The following NFATC2 variants were observed in gnomAD, a reference collection of about 807,000 sequenced individuals.
The protein encoded by NFATC2 is nuclear factor of activated T-cells, cytoplasmic 2.
NFATC2 carries 22 observed loss-of-function variants against 87.3 expected under a neutral mutation model. That is an observed-to-expected ratio of 0.25 (90% CI 0.18 to 0.36). The LOEUF is 0.36. Ranked by LOEUF, NFATC2 falls within the 10% of genes least tolerant of loss-of-function variation. The pLI, the probability that NFATC2 is intolerant of heterozygous loss-of-function variation, is 1.00. For synonymous variants in NFATC2, 565 were observed against 542.2 expected, an observed-to-expected ratio of 1.04 and a Z score of -0.58; for missense variants, 1,149 against 1,259.1, an observed-to-expected ratio of 0.91 and a Z score of 1.32.
intron 9 of NFATC2, among the ~76,000 whole-genome samples, chr20:51,423,023 C>T (rs972223400): frequency 6.6e-6 from 1 of 151,338 alleles, no homozygotes; most frequent in Admixed American, 6.8e-5. Context: ...CACAGTGGCT[C>T]ACGCTTATAA....
chr20:51,404,931 C>T (rs1988413581), intron 9 of NFATC2, among the ~76,000 whole-genome samples: 1 of 152,172 alleles, frequency 6.6e-6, no homozygotes, highest in African/African-American at 2.4e-5. Context: ...ATGAGCAAGA[C>T]CTTGGGGCTT....
chr20:51,475,874 A>G (rs2146519128), intron 3 of NFATC2, among the ~76,000 whole-genome samples: 1 of 152,326 alleles, frequency 6.6e-6, no homozygotes, highest in South Asian at 2.1e-4. Flanking sequence ...AATATTAAGC[A>G]GCCACTAGAA....
upstream of NFATC2, among the ~76,000 whole-genome samples, chr20:51,545,747 A>ATGGATGGAGGAG (rs1317749817): frequency 6.6e-6 from 1 of 151,868 alleles, no homozygotes; most frequent in Non-Finnish European, 1.5e-5. Context: ...TGGATGGATG[A>ATGGATGGAGGAG]TGGATGGAGG....
intron 9 of NFATC2, among the ~76,000 whole-genome samples, chr20:51,409,642 G>C (rs566200958): frequency 2.0e-5 from 3 of 152,304 alleles, no homozygotes; most frequent in African/African-American, 7.2e-5. Flanking sequence ...CTTGCCAAAA[G>C]CATCGAAGCT....
upstream of NFATC2, among the ~76,000 whole-genome samples, chr20:51,546,365 T>G (rs2146820865): frequency 6.6e-6 from 1 of 152,216 alleles, no homozygotes; most frequent in Non-Finnish European, 1.5e-5. Flanking sequence ...GAGTTTGGGC[T>G]GGGGGAAAGG....
chr20:51,445,948 C>T (rs1049701233), intron 6 of NFATC2, among the ~76,000 whole-genome samples: 3 of 152,216 alleles, frequency 2.0e-5, no homozygotes, highest in South Asian at 2.1e-4. Flanking sequence ...TGACTCTTCT[C>T]GGCCCTAAGC....
chr20:51,516,699 A>T, intron 3 of NFATC2, 85 bp downstream of exon 3: 2 of 1,438,722 alleles, frequency 1.4e-6, no homozygotes, highest in South Asian at 2.7e-5. Context: ...ACCTCACCTT[A>T]ACAAGCAACA....
At chr20:51,540,272 C>G (rs1300825341) in intron 1 of NFATC2, among the ~76,000 whole-genome samples, 1 of 152,202 alleles carries the variant, frequency 6.6e-6, no homozygotes, top group African/African-American at 2.4e-5. Flanking sequence ...CTCAGCCTCC[C>G]AAAGTGTTGG....
At chr20:51,439,588 A>G (rs1326414030) in intron 6 of NFATC2, among the ~76,000 whole-genome samples, 1 of 152,184 alleles carries the variant, frequency 6.6e-6, no homozygotes, top group Admixed American at 6.5e-5. Flanking sequence ...AGTGTGGGTC[A>G]CAGGGAAAGA....
chr20:51,504,767 TAGG>T (rs1035288657), intron 3 of NFATC2, among the ~76,000 whole-genome samples: 2 of 152,156 alleles, frequency 1.3e-5, no homozygotes, highest in Non-Finnish European at 1.5e-5. Context: ...CTAGAAATAT[TAGG>T]AGGATTACAT....
At chr20:51,426,760 T>G (rs1981894355) in intron 9 of NFATC2, among the ~76,000 whole-genome samples, 1 of 152,076 alleles carries the variant, frequency 6.6e-6, no homozygotes, top group Non-Finnish European at 1.5e-5. Context: ...AGGATGGTGG[T>G]CACTTTTGTA....
At chr20:51,440,878 C>T (rs1984236012) in intron 6 of NFATC2, among the ~76,000 whole-genome samples, 1 of 152,238 alleles carries the variant, frequency 6.6e-6, no homozygotes, top group South Asian at 2.1e-4. Flanking sequence ...CAGGCTCCTC[C>T]TCCCCACTCC....
chr20:51,523,916 G>T lies in NFATC2; in HGVS notation c.325C>A (p.Leu109Met), dbSNP rs761097460. ...GGAGTGATCTCGATCCGAGGGCTCA[G>T]GCCCGAGGCCCCTGCTGGCTTGGCC... ...SAAKPAGASG[L>M]SPRIEITPSH... The change falls in exon 2 of 11, where the codon CTG (leucine) becomes ATG (methionine). Residue 109 changes from leucine to methionine, a missense_variant. Leu to Met is a conservative substitution (Grantham distance 15). This residue lies in a region of NFATC2 where 563 missense variants were observed against 585.2 expected (regional missense o/e 0.96). Coordinates refer to ENST00000371564, the MANE Select transcript of NFATC2 (RefSeq NM_012340.5). This position sits in a 1 kb window ranked among gnomAD's most constrained non-coding sequence, Gnocchi z 6.9. The T allele has an allele frequency of 6.2e-6, 10 of 1,603,286 alleles. No individual in the cohort carries two copies. The highest frequency in any genetic ancestry group is 8.5e-6 in the Non-Finnish European group (10 of 1,177,022).
At chr20:51,499,230 G>A (rs998164026) in intron 3 of NFATC2, among the ~76,000 whole-genome samples, 4 of 152,156 alleles carry the variant, frequency 2.6e-5, no homozygotes, top group African/African-American at 9.7e-5. Context: ...AATGAAGGGT[G>A]CAAGTGGAGG....
intron 9 of NFATC2, among the ~76,000 whole-genome samples, chr20:51,403,121 T>C (rs1328986728): frequency 6.6e-6 from 1 of 152,220 alleles, no homozygotes; most frequent in African/African-American, 2.4e-5. Context: ...TCCCTGGCCA[T>C]GTCACAGTTT....
intron 3 of NFATC2, among the ~76,000 whole-genome samples, chr20:51,502,880 C>T (rs1414674558): frequency 6.6e-6 from 1 of 152,086 alleles, no homozygotes; most frequent in Non-Finnish European, 1.5e-5. Context: ...TGGGAAGAGC[C>T]TACTTGGTTA....
intron 3 of NFATC2, among the ~76,000 whole-genome samples, chr20:51,486,125 C>T (rs1989690224): frequency 6.6e-6 from 1 of 151,986 alleles, no homozygotes; most frequent in Admixed American, 6.5e-5. Flanking sequence ...ACATGAGAAT[C>T]GCTTGAACCC....
chr20:51,475,698 T>G, intron 3 of NFATC2, 38 bp from the exon 4 acceptor site: 1 of 1,603,134 alleles, frequency 6.2e-7, no homozygotes, highest in African/African-American at 1.3e-5. Context: ...AGGTGCGGGG[T>G]GTGGTGGCTC....
At position 51,454,631 on chromosome 20, in the gene NFATC2, A is replaced by G; in HGVS notation, c.1766T>C (p.Leu589Pro). The G allele has an allele frequency of 2.5e-6, 4 of 1,614,146 alleles. No individual in the cohort carries two copies. The highest frequency in any genetic ancestry group is 3.4e-6 in the Non-Finnish European group (4 of 1,180,034). The change falls in exon 6 of 11, where the codon CTG becomes CCG. Residue 589 changes from leucine (L) to proline (P), a missense_variant. Leu to Pro is a moderately conservative substitution (Grantham distance 98). Coordinates refer to ENST00000371564, the MANE Select transcript of NFATC2 (RefSeq NM_012340.5). ...MVERQDTDSC[L>P]VYGGQQMILT... The stretch of plus-strand genomic sequence containing the variant: ...GATCATTTGCTGGCCGCCATAGACC[A>G]GGCAGCTGTCTGTGTCTTGTCTTTC...
Sources: allele counts gnomAD v4.1 joint callset (sites outside exome capture counted in the v4.1 genomes callset), GRCh38; gene constraint gnomAD v4.1.1; regional missense constraint gnomAD v4.1.1; non-coding constraint Gnocchi (gnomAD v3.1); transcripts MANE v1.5; gene names NCBI Gene and HGNC (gene_info 2026-07-23, HGNC 2026-07-21).